Variants in LYSMD1 observed in about 807,000 individuals in gnomAD.
LYSMD1 encodes the protein lysM and putative peptidoglycan-binding domain-containing protein 1.
A neutral mutation model predicts 19.3 loss-of-function variants in LYSMD1; 9 were observed. The observed-to-expected ratio is 0.47, with a 90% CI of 0.28 to 0.81. The LOEUF (loss-of-function observed/expected upper bound fraction) is 0.81, where lower values mean the gene tolerates loss of function less well. LYSMD1 is among the 40% of genes least tolerant of loss of function. The pLI is 0.11. For missense variants in LYSMD1, 262 were observed against 279.8 expected (o/e 0.94, Z 0.45); for synonymous variants, 111 against 111.7 (o/e 0.99, Z 0.04).
chr1:151,159,683 A>G (rs899105524), downstream of LYSMD1: 3 of 199,112 alleles, frequency 1.5e-5, no homozygotes, highest in South Asian at 2.1e-4. Context: ...GCTCTGTTCC[A>G]GAGTGCAGGA....
Position 151,165,208 on chromosome 1 carries a change from T to C in LYSMD1, c.51A>G (p.Gln17=), listed in dbSNP as rs1464449939. ...TTCCATATGAACGAGCCCGGCTCCCTTGAAGCAGTCCTGACCCCCCTGGCG... is the reference window on the plus strand; with the variant it reads ...TTCCATATGAACGAGCCCGGCTCCCCTGAAGCAGTCCTGACCCCCCTGGCG... The part of the protein sequence containing the change: ...QPPPGGSGLL[Q]GSRARSYGSL... The change falls in exon 1 of 3, where the codon CAA becomes CAG. Residue 17 remains glutamine (Q), a synonymous_variant. Coordinates refer to ENST00000368908, the MANE Select transcript of LYSMD1 (RefSeq NM_212551.5). 8 of 1,614,124 alleles carry C rather than the reference T, an allele frequency of 5.0e-6. No individual in the cohort carries two copies. Among genetic ancestry groups the C allele is most frequent in the Non-Finnish European group, 6.8e-6 (8 of 1,179,984 alleles).
At chr1:151,153,801 A>G in the LYSMD1 span, among the ~76,000 whole-genome samples, 2 of 151,866 alleles carry the variant, frequency 1.3e-5, no homozygotes, top group African/African-American at 4.8e-5. Flanking sequence ...TAAAAATACA[A>G]AAATTAGCCA....
At position 151,161,987 on chromosome 1, in the gene LYSMD1, G is replaced by T. The variant is rs1683475272; in HGVS notation, c.294C>A (p.Asp98Glu). 1 of 1,614,042 alleles carries T rather than the reference G, an allele frequency of 6.2e-7. No individual in the cohort carries two copies. Among genetic ancestry groups the T allele is most frequent in the Non-Finnish European group, 8.5e-7 (1 of 1,180,024 alleles). ...CCTCTCCATCTTTCTCTTCCTCAGA[G>T]TCCAAACCATTGAACAGGTCTCTGG... Reference protein sequence around the residue: ...TEPRDLFNGLDSEEEKDGEEK... With the variant: ...TEPRDLFNGLESEEEKDGEEK... Residue 98 changes from aspartate to glutamate, a missense_variant, in exon 2 of 3, where the codon GAC becomes GAA. Physicochemically the swap from Asp to Glu is conservative, Grantham distance 45. Transcript: ENST00000368908.
chr1:151,165,641 C>G lies in LYSMD1; in HGVS notation c.-383G>C. The G allele has an allele frequency of 1.3e-6, 2 of 1,545,668 alleles. No homozygotes were observed. Among genetic ancestry groups the G allele is most frequent in the Non-Finnish European group, 1.7e-6 (2 of 1,145,442 alleles). On this transcript the variant is annotated 5_prime_UTR_variant, in exon 1 of 3. Transcript: ENST00000368908. ...GGGCGCTCCAACATCCCAGCTCTCC[C>G]CGGTCCCGGGGTTTGTTTGCTAGAG...
In LYSMD1 at chr1:151,160,750, G is replaced by A; in HGVS notation, c.*132C>T. The A allele has an allele frequency of 8.6e-7, 1 of 1,168,760 alleles. No individual in the cohort carries two copies. Among genetic ancestry groups the A allele is most frequent in the East Asian group, 2.4e-5 (1 of 40,878 alleles). The allele number at this position is 1,168,760 out of a possible 1,614,324, so 72.4% of individuals were successfully genotyped here. ...AGGCCAAGGAATTTTTGGCAGACAA[G>A]GAGGCTGGGGAGGATGGCTGGAGTG... On this transcript the variant is annotated 3_prime_UTR_variant, in exon 3 of 3. Coordinates refer to ENST00000368908, the MANE Select transcript of LYSMD1 (RefSeq NM_212551.5).
At position 151,165,164 on chromosome 1, in the gene LYSMD1, C is replaced by T; in HGVS notation, c.95G>A (p.Cys32Tyr). The change falls in exon 1 of 3, where the codon TGC becomes TAC. Residue 32 changes from cysteine to tyrosine, a missense_variant. Cys to Tyr is a radical substitution (Grantham distance 194, BLOSUM62 -2). Coordinates refer to ENST00000368908, the MANE Select transcript of LYSMD1 (RefSeq NM_212551.5). ...RSYGSLVQSA[C>Y]SPVRERRLEH... Reference sequence around the variant, plus strand: ...CAGGCGTCTTTCCCTCACTGGGGAGCAGGCCGATTGCACCAGGCTTCCATA... The same window carrying T: ...CAGGCGTCTTTCCCTCACTGGGGAGTAGGCCGATTGCACCAGGCTTCCATA... The T allele has an allele frequency of 6.2e-7, 1 of 1,614,220 alleles. No homozygotes were observed. The highest frequency in any genetic ancestry group is 8.5e-7 in the Non-Finnish European group (1 of 1,180,032).
chr1:151,157,351 G>A (rs61819223), downstream of LYSMD1, among the ~76,000 whole-genome samples: 2,124 of 152,298 alleles, frequency 0.014, 29 homozygotes, highest in Admixed American at 0.038. Flanking sequence ...GGGAGAGGGC[G>A]AGGCTGCTCC....
rs756194301 is a variant in LYSMD1, at chr1:151,160,948, C to G, written c.618G>C (p.Val206=). ...WMQQRAVLGP[V]PLTRTSRTRT... is the part of the protein sequence containing the mutation. ...GGGTCCGAGAGGTACGGGTCAGCGG[C>G]ACAGGACCTAGGACTGCTCGTTGCT... Residue 206 remains valine (V), a synonymous_variant, in exon 3 of 3, where the codon GTG becomes GTC. Transcript: ENST00000368908. The G allele has an allele frequency of 1.2e-6, 2 of 1,614,196 alleles. No homozygotes were observed. The highest frequency in any genetic ancestry group is 1.7e-6 in the Non-Finnish European group (2 of 1,180,020).
chr1:151,161,823 G>A lies in LYSMD1; in HGVS notation c.458C>T (p.Ser153Phe). 6.2e-7 allele frequency: 1 copy of A among 1,613,606 alleles called. No individual in the cohort carries two copies. The highest frequency in any genetic ancestry group is 8.5e-7 in the Non-Finnish European group (1 of 1,179,898). Reference sequence around the variant, plus strand: ...AAGCTTCTTAAGGAAATCAGAGGCAGAGAGGTCATGGATGGGCGTGGGGGT... The same window carrying A: ...AAGCTTCTTAAGGAAATCAGAGGCAAAGAGGTCATGGATGGGCGTGGGGGT... The part of the protein sequence containing the change: ...QETPTPIHDL[S>F]ASDFLKKLDS... Residue 153 changes from serine to phenylalanine, a missense_variant, in exon 2 of 3, where the codon TCT (serine) becomes TTT (phenylalanine). Coordinates refer to ENST00000368908, the MANE Select transcript of LYSMD1 (RefSeq NM_212551.5).
chr1:151,165,522 C>A lies in LYSMD1; in HGVS notation c.-264G>T, dbSNP rs899665866. On this transcript the variant is annotated 5_prime_UTR_variant, in exon 1 of 3. Coordinates refer to ENST00000368908, the MANE Select transcript of LYSMD1 (RefSeq NM_212551.5). Reference sequence around the variant, plus strand: ...GCACCCCTCCGACTTTGGACTCCCCCACAACTCCTCGCTACATTGACCTCT... The same window carrying A: ...GCACCCCTCCGACTTTGGACTCCCCAACAACTCCTCGCTACATTGACCTCT... 52 of 1,445,968 alleles carry A rather than the reference C, an allele frequency of 3.6e-5. No individual in the cohort carries two copies. The highest frequency in any genetic ancestry group is 8.6e-5 in the African/African-American group (6 of 69,928). 89.6% of individuals were successfully genotyped at this position (1,445,968 alleles called of 1,614,324 possible). A position where few individuals can be genotyped will look rare whatever the true frequency, so the allele number is the denominator to read the frequency against.
chr1:151,158,568 GACAA>G (rs977180815), downstream of LYSMD1: 180 of 950,614 alleles, frequency 1.9e-4, no homozygotes, highest in Non-Finnish European at 2.6e-4. Context: ...CGGAGAGGAT[GACAA>G]ACAAAGATGA....
At chr1:151,155,242 A>G (rs1683193946), downstream of LYSMD1, among the ~76,000 whole-genome samples, 1 of 152,102 alleles carries the variant, frequency 6.6e-6, no homozygotes, top group Non-Finnish European at 1.5e-5. Flanking sequence ...CTGGCTATTA[A>G]GTAGTTGAAT....
chr1:151,158,209 A>G (rs1051418967), downstream of LYSMD1, among the ~76,000 whole-genome samples: 12 of 151,814 alleles, frequency 7.9e-5, no homozygotes, highest in African/African-American at 2.9e-4. Flanking sequence ...TGTAATCCCA[A>G]CTACTTGGGA....
At chr1:151,158,444 C>CCAG (rs887206230), downstream of LYSMD1, among the ~76,000 whole-genome samples, 32 of 152,152 alleles carry the variant, frequency 2.1e-4, no homozygotes, top group African/African-American at 6.3e-4. Context: ...CCACATTCCT[C>CCAG]CAGCCGGGGC....
At position 151,165,113 on chromosome 1, in the gene LYSMD1, G is replaced by A; in HGVS notation, c.146C>T (p.Thr49Ile). 2 of 1,614,146 alleles carry A rather than the reference G, an allele frequency of 1.2e-6. No individual in the cohort carries two copies. Among genetic ancestry groups the A allele is most frequent in the South Asian group, 2.2e-5 (2 of 91,080 alleles). Residue 49 changes from threonine (T) to isoleucine (I), a missense_variant, in exon 1 of 3, where the codon ACC becomes ATC. By Grantham distance (89) the Thr-to-Ile change is moderately conservative. Coordinates refer to ENST00000368908, the MANE Select transcript of LYSMD1 (RefSeq NM_212551.5). ...ATATTTGAGTGCTAGTCCAGCCAGG[G>A]TGTCTCCGGGCTCCAACTGATGCTC... ...RLEHQLEPGD[T>I]LAGLALKYGV...
rs1683376889 is a variant in LYSMD1, at chr1:151,159,978, G to A, written c.*904C>T. The A allele has an allele frequency of 6.5e-6, 1 of 154,774 alleles. No individual in the cohort carries two copies. The highest frequency in any genetic ancestry group is 1.5e-5 in the Non-Finnish European group (1 of 68,028). 9.6% of individuals were successfully genotyped at this position (154,774 alleles called of 1,614,324 possible). On this transcript the variant is annotated 3_prime_UTR_variant, in exon 3 of 3. Coordinates refer to ENST00000368908, the MANE Select transcript of LYSMD1 (RefSeq NM_212551.5). The stretch of plus-strand genomic sequence containing the variant: ...CAAATAAATATGCAGTGAGGAGGAA[G>A]GCATAGAGAGAGAGGGTCTGGAGGG...
chr1:151,149,472 G>T, the LYSMD1 span, among the ~76,000 whole-genome samples: 6 of 151,980 alleles, frequency 3.9e-5, no homozygotes, highest in African/African-American at 1.5e-4. Context: ...AGTCCTGGCC[G>T]GGCGCAGTGA....
downstream of LYSMD1, among the ~76,000 whole-genome samples, chr1:151,155,467 G>GCAGTA (rs1683196208): frequency 6.6e-6 from 1 of 152,344 alleles, no homozygotes; most frequent in East Asian, 1.9e-4. Context: ...TGGGTGCAGT[G>GCAGTA]GCTCACGCCT....
Position 151,165,741 on chromosome 1 carries a change from G to C in LYSMD1, c.-483C>G. The stretch of plus-strand genomic sequence containing the variant: ...AGCGTGAGGATTGCAAGAATTTGTA[G>C]TACACCTTCCACTCAGAGATCCTCA... On this transcript the variant is annotated 5_prime_UTR_variant, in exon 1 of 3. It introduces an in-frame stop codon into an upstream open reading frame of the 5' UTR. Transcript: ENST00000368908. The C allele has an allele frequency of 1.3e-6, 2 of 1,551,724 alleles. No homozygotes were observed. Among genetic ancestry groups the C allele is most frequent in the Non-Finnish European group, 1.7e-6 (2 of 1,146,996 alleles).
Sources: gnomAD v4.1 joint callset for allele counts (sites outside exome capture counted in the v4.1 genomes callset) on GRCh38, gnomAD v4.1.1 for gene constraint, MANE v1.5 for transcripts, NCBI Gene and HGNC (gene_info 2026-07-23, HGNC 2026-07-21) for gene names.